Variants in ADAMTSL1 observed in about 807,000 individuals in gnomAD.
The protein encoded by ADAMTSL1 is ADAMTS like 1.
ADAMTSL1 carries 126 observed loss-of-function variants against 201.8 expected under a neutral mutation model. The observed-to-expected ratio is 0.62, with a 90% confidence interval of 0.54 to 0.72. ADAMTSL1 has a LOEUF of 0.72. ADAMTSL1 is among the 30% of genes least tolerant of loss of function. The pLI, the probability that ADAMTSL1 is intolerant of heterozygous loss-of-function variation, is 0.00. For missense variants in ADAMTSL1, 2,679 were observed against 2,277.8 expected (o/e 1.18, Z -3.59); for synonymous variants, 1,121 against 903.4 (o/e 1.24, Z -4.32).
intron 15 of ADAMTSL1, among the ~76,000 whole-genome samples, chr9:18,752,586 C>T (rs543033405): frequency 9.9e-4 from 151 of 152,334 alleles, no homozygotes; most frequent in African/African-American, 3.3e-3. Flanking sequence ...CCTTAGCTCA[C>T]TATAAACGTA....
chr9:18,192,493 G>C (rs1829009085), intron 2 of ADAMTSL1, among the ~76,000 whole-genome samples: 2 of 152,130 alleles, frequency 1.3e-5, no homozygotes, highest in African/African-American at 4.8e-5. Flanking sequence ...GTTGAGTGGA[G>C]TATTAAGCTT....
chr9:18,114,619 A>G (rs1825171365), intron 1 of ADAMTSL1, among the ~76,000 whole-genome samples: 1 of 152,162 alleles, frequency 6.6e-6, no homozygotes, highest in South Asian at 2.1e-4. Context: ...GGTATTGCTC[A>G]TATATGAAGA....
chr9:18,688,118 G>GTATATATATATATATATATATATA (rs71333061), intron 13 of ADAMTSL1, among the ~76,000 whole-genome samples: 7 of 142,720 alleles, frequency 4.9e-5, no homozygotes, highest in African/African-American at 1.8e-4. Flanking sequence ...ATGTATGTAT[G>GTATATATATATATATATATATATA]TATATATATA....
intron 2 of ADAMTSL1, among the ~76,000 whole-genome samples, chr9:18,399,282 T>C (rs1461109499): frequency 3.1e-4 from 6 of 19,222 alleles, no homozygotes; most frequent in Middle Eastern, 0.019. Context: ...CTGCTTTACA[T>C]ATATATATAT....
rs1284388844 is a variant in ADAMTSL1 at position 18,447,703 on chromosome 9, G to A, written c.208-57126G>A. 9.2e-5 allele frequency among the ~76,000 whole-genome samples: 14 copies of A among 152,308 alleles called. No homozygotes were observed. The East Asian group carries it at 2.7e-3, about 29-fold the overall frequency. The stretch of plus-strand genomic sequence containing the variant: ...GGGAGCTCTTTGCTAGACCCTTTCT[G>A]AATGTCTATTGCTGTTCATTCTTTC... On this transcript the variant is annotated intron_variant, in intron 2 of 29. Coordinates refer to the ADAMTSL1 transcript ENST00000680146.
intron 2 of ADAMTSL1, among the ~76,000 whole-genome samples, chr9:18,199,112 G>T (rs1037987744): frequency 6.7e-6 from 1 of 148,494 alleles, no homozygotes; most frequent in Non-Finnish European, 1.5e-5. Flanking sequence ...ACTGTTGTGG[G>T]GTCGGGGGAG....
intron 1 of ADAMTSL1, among the ~76,000 whole-genome samples, chr9:18,496,405 C>T (rs1430586630): frequency 3.3e-5 from 5 of 152,298 alleles, no homozygotes; most frequent in Non-Finnish European, 5.9e-5. Context: ...TAAGAGAGAA[C>T]GCATCCAATC....
intron 2 of ADAMTSL1, among the ~76,000 whole-genome samples, chr9:18,216,854 C>G (rs927917653): frequency 6.6e-6 from 1 of 152,010 alleles, no homozygotes; most frequent in Non-Finnish European, 1.5e-5. Context: ...AGAGCAAAAA[C>G]GCTGGAGCCA....
At chr9:18,298,020 C>T (rs1195608808) in intron 2 of ADAMTSL1, among the ~76,000 whole-genome samples, 1 of 152,166 alleles carries the variant, frequency 6.6e-6, no homozygotes, top group East Asian at 1.9e-4. Context: ...AAAAACAGAC[C>T]TGCAGGTTTG....
At chr9:18,555,454 C>G (rs1167539385) in intron 3 of ADAMTSL1, among the ~76,000 whole-genome samples, 2 of 151,900 alleles carry the variant, frequency 1.3e-5, no homozygotes, top group African/African-American at 4.8e-5. Context: ...CTCAGAGTTT[C>G]TAGTCCTACA....
intron 1 of ADAMTSL1, among the ~76,000 whole-genome samples, chr9:18,075,547 A>G (rs1333555676): frequency 2.0e-5 from 3 of 152,164 alleles, no homozygotes; most frequent in East Asian, 1.9e-4. Context: ...AGTCAATTTC[A>G]TTACTTTATA....
At chr9:18,381,807 T>A (rs1043178011) in intron 2 of ADAMTSL1, among the ~76,000 whole-genome samples, 5 of 151,908 alleles carry the variant, frequency 3.3e-5, no homozygotes, top group African/African-American at 1.2e-4. Context: ...TTTGATTCCC[T>A]TCACATGCTC....
chr9:18,096,528 A>G (rs1824260761), intron 1 of ADAMTSL1, among the ~76,000 whole-genome samples: 1 of 152,148 alleles, frequency 6.6e-6, no homozygotes. Context: ...TTCCTGCCAT[A>G]TTGGATAGTG....
intron 2 of ADAMTSL1, among the ~76,000 whole-genome samples, chr9:18,410,349 C>A (rs1818385073): frequency 6.6e-6 from 1 of 152,098 alleles, no homozygotes; most frequent in South Asian, 2.1e-4. Context: ...TTCCTGATTT[C>A]TCCCTCTCCC....
intron 13 of ADAMTSL1, among the ~76,000 whole-genome samples, chr9:18,702,734 T>C (rs1234565282): frequency 6.6e-6 from 1 of 152,168 alleles, no homozygotes; most frequent in Non-Finnish European, 1.5e-5. Context: ...CCATTCTTCA[T>C]TCATCCAACA....
At chr9:18,778,511 C>A (rs1821197805) in intron 19 of ADAMTSL1, among the ~76,000 whole-genome samples, 1 of 152,184 alleles carries the variant, frequency 6.6e-6, no homozygotes, top group Non-Finnish European at 1.5e-5. Flanking sequence ...TGTATCACTT[C>A]CTTGTCTCTC....
chr9:18,403,058 G>A (rs1818046224), intron 2 of ADAMTSL1, among the ~76,000 whole-genome samples: 1 of 152,042 alleles, frequency 6.6e-6, no homozygotes, highest in South Asian at 2.1e-4. Flanking sequence ...GCAGAGCTGT[G>A]GTTTCAGTCT....
intron 3 of ADAMTSL1, among the ~76,000 whole-genome samples, chr9:18,571,963 C>T (rs575899404): frequency 5.3e-5 from 8 of 152,092 alleles, no homozygotes; most frequent in Non-Finnish European, 1.2e-4. Context: ...GAGGCCAAGG[C>T]AGGTGGATCA....
intron 2 of ADAMTSL1, among the ~76,000 whole-genome samples, chr9:18,228,849 T>TG (rs1830533891): frequency 6.6e-6 from 1 of 152,008 alleles, no homozygotes; most frequent in African/African-American, 2.4e-5. Context: ...TTTGTTTTTT[T>TG]TTTTTTTGTA....
Sources: gnomAD v4.1 joint callset for allele counts (sites outside exome capture counted in the v4.1 genomes callset) on GRCh38, gnomAD v4.1.1 for gene constraint, MANE v1.5 for transcripts, NCBI Gene and HGNC (gene_info 2026-07-23, HGNC 2026-07-21) for gene names.